ZNF532: variants seen among roughly 807,000 people sequenced by gnomAD.
The protein encoded by ZNF532 is zinc finger protein 532.
Under a neutral mutation model 89.3 loss-of-function variants are expected in ZNF532, and 22 were observed. That is an observed-to-expected ratio of 0.25 (90% CI 0.18 to 0.35). ZNF532 has a LOEUF of 0.35. Among genes scored for constraint, ZNF532 ranks in the 10% least tolerant of loss-of-function variants. The pLI, the probability that ZNF532 is intolerant of heterozygous loss-of-function variation, is 1.00. For synonymous variants in ZNF532, 606 were observed against 649.6 expected (o/e 0.93, Z 1.02); for missense variants, 1,132 against 1,643.4 (o/e 0.69, Z 5.38).
rs554072526 is a variant in ZNF532, at chr18:58,884,116, C to T, written c.-18+18537C>T. On this transcript the variant is annotated intron_variant, in intron 2 of 9. Transcript: ENST00000591808. ...AAACTTGGCCGGGCACAGTGGCTTA[C>T]GCCTGTAATCCCAGCACTTTGGGAG... Among the ~76,000 whole-genome samples the T allele has an allele frequency of 2.2e-4, 33 of 152,358 alleles. No homozygotes were observed. The South Asian group carries it at 5.2e-3, about 24-fold the overall frequency.
At chr18:58,922,867 G>C (rs963987616) in intron 3 of ZNF532, among the ~76,000 whole-genome samples, 1 of 152,120 alleles carries the variant, frequency 6.6e-6, no homozygotes, top group Admixed American at 6.5e-5. Context: ...ATGAGCAGGC[G>C]GGTAGGAATG....
intron 2 of ZNF532, among the ~76,000 whole-genome samples, chr18:58,893,899 G>A (rs2059079353): frequency 1.3e-5 from 2 of 152,096 alleles, no homozygotes; most frequent in Admixed American, 1.3e-4. Flanking sequence ...GGATCAGCTG[G>A]GTGGTTCCTG....
At chr18:58,969,549 T>A (rs2066259101) in intron 7 of ZNF532, among the ~76,000 whole-genome samples, 1 of 152,174 alleles carries the variant, frequency 6.6e-6, no homozygotes, top group Admixed American at 6.5e-5. Context: ...CTGTTACACC[T>A]TCAGATATGA....
chr18:58,931,358 G>C (rs1313802737), intron 3 of ZNF532, among the ~76,000 whole-genome samples: 1 of 152,116 alleles, frequency 6.6e-6, no homozygotes, highest in Non-Finnish European at 1.5e-5. Flanking sequence ...AGAGATCCTT[G>C]TGTGCCCTCA....
At chr18:58,955,982 A>G (rs1280622727) in intron 7 of ZNF532, among the ~76,000 whole-genome samples, 1 of 152,240 alleles carries the variant, frequency 6.6e-6, no homozygotes, top group Non-Finnish European at 1.5e-5. Context: ...GGCCTTCGTC[A>G]TCATCCGGTA....
chr18:58,979,321 G>T, intron 8 of ZNF532, 154 bp downstream of exon 8: 2 of 474,576 alleles, frequency 4.2e-6, no homozygotes, highest in Non-Finnish European at 3.8e-6. Context: ...TTTTTGGATT[G>T]GGTTGTCACA....
chr18:58,966,520 A>G (rs2065926810), intron 7 of ZNF532, among the ~76,000 whole-genome samples: 1 of 152,200 alleles, frequency 6.6e-6, no homozygotes. Context: ...TGAAAGATAC[A>G]AAGAAGGAAC....
chr18:58,954,010 A>G, intron 7 of ZNF532: 1 of 985,404 alleles, frequency 1.0e-6, no homozygotes, highest in Non-Finnish European at 1.2e-6. Context: ...TTGCCTTCAC[A>G]TGCACTCCTC....
intron 2 of ZNF532, among the ~76,000 whole-genome samples, chr18:58,878,298 A>G (rs762256822): frequency 6.6e-6 from 1 of 152,138 alleles, no homozygotes; most frequent in Non-Finnish European, 1.5e-5. Flanking sequence ...CTGGGCAGGT[A>G]GACCTTCAGA....
At chr18:58,936,239 A>G (rs1033472116) in intron 4 of ZNF532, among the ~76,000 whole-genome samples, 1 of 152,222 alleles carries the variant, frequency 6.6e-6, no homozygotes, top group Non-Finnish European at 1.5e-5. Flanking sequence ...AAACAGGATA[A>G]TCAAAGGTGC....
intron 2 of ZNF532, among the ~76,000 whole-genome samples, chr18:58,883,752 A>G (rs1192587760): frequency 6.6e-6 from 1 of 152,100 alleles, no homozygotes; most frequent in Non-Finnish European, 1.5e-5. Context: ...CTTGACCTCT[A>G]CCCACTATAT....
chr18:58,980,921 C>T (rs2067691165), intron 8 of ZNF532: 3 of 154,332 alleles, frequency 1.9e-5, no homozygotes, highest in South Asian at 2.0e-4. Context: ...GGATTACAGG[C>T]GTGAACCACT....
intron 7 of ZNF532, among the ~76,000 whole-genome samples, chr18:58,959,077 A>G (rs2065068138): frequency 1.3e-5 from 2 of 152,174 alleles, no homozygotes; most frequent in African/African-American, 2.4e-5. Context: ...GTTCAAATCT[A>G]GAAAATTACA....
At chr18:58,974,678 A>C (rs1039173469) in intron 7 of ZNF532, among the ~76,000 whole-genome samples, 12 of 152,178 alleles carry the variant, frequency 7.9e-5, no homozygotes, top group African/African-American at 2.9e-4. Context: ...TACACACAAC[A>C]AACCTCCGAT....
chr18:58,927,693 C>T (rs1321741171), intron 3 of ZNF532, among the ~76,000 whole-genome samples: 1 of 152,062 alleles, frequency 6.6e-6, no homozygotes, highest in African/African-American at 2.4e-5. Context: ...ATTCCATTTT[C>T]CTCAAAGTGG....
intron 2 of ZNF532, among the ~76,000 whole-genome samples, chr18:58,910,939 CG>C (rs2060244513): frequency 6.6e-6 from 1 of 151,638 alleles, no homozygotes; most frequent in South Asian, 2.1e-4. Flanking sequence ...ATTGCAGTGG[CG>C]TGATTGTAGC....
At chr18:58,947,945 AT>A in intron 5 of ZNF532, 121 bp from the exon 6 acceptor site, 1 of 865,140 alleles carries the variant, frequency 1.2e-6, no homozygotes, top group Non-Finnish European at 1.8e-6. Flanking sequence ...TCGTTGTTCT[AT>A]TTATTGTGTT....
intron 2 of ZNF532, among the ~76,000 whole-genome samples, chr18:58,880,769 C>CGTGT (rs1188960384): frequency 4.1e-4 from 54 of 131,192 alleles, no homozygotes; most frequent in African/African-American, 1.5e-3. Context: ...CGCACGCGCG[C>CGTGT]GCGTCTGTGT....
At chr18:58,883,616 T>C (rs1199829882) in intron 2 of ZNF532, among the ~76,000 whole-genome samples, 7 of 152,132 alleles carry the variant, frequency 4.6e-5, no homozygotes, top group East Asian at 3.9e-4. Context: ...TAGGGTGATA[T>C]AGGGAAGGCA....
Sources: allele counts gnomAD v4.1 joint callset (sites outside exome capture counted in the v4.1 genomes callset), GRCh38; gene constraint gnomAD v4.1.1; transcripts MANE v1.5; gene names NCBI Gene and HGNC (gene_info 2026-07-23, HGNC 2026-07-21).